EPHA6: variants seen among roughly 807,000 people sequenced by gnomAD.
EPHA6 encodes ephrin type-A receptor 6.
A neutral mutation model predicts 112.0 loss-of-function variants in EPHA6; 50 were observed. The observed-to-expected ratio is 0.45, with a 90% CI of 0.36 to 0.56. The LOEUF (loss-of-function observed/expected upper bound fraction) is 0.56. Ranked by LOEUF, EPHA6 falls within the 20% of genes least tolerant of loss-of-function variation. The pLI is 0.00. For synonymous variants in EPHA6, 529 were observed against 490.7 expected, an observed-to-expected ratio of 1.08 and a Z score of -1.03; for missense variants, 1,280 against 1,417.4, an observed-to-expected ratio of 0.90 and a Z score of 1.56.
chr3:97,544,207 A>C (rs1190002267), intron 11 of EPHA6, among the ~76,000 whole-genome samples: 1 of 152,194 alleles, frequency 6.6e-6, no homozygotes, highest in East Asian at 1.9e-4. Flanking sequence ...TTGCCCATTC[A>C]GTATGATATT....
At chr3:97,034,208 GA>G (rs1439814146) in intron 3 of EPHA6, among the ~76,000 whole-genome samples, 1 of 151,872 alleles carries the variant, frequency 6.6e-6, no homozygotes, top group Non-Finnish European at 1.5e-5. Context: ...TGATAAAAAT[GA>G]AAATATAGTA....
intron 14 of EPHA6, among the ~76,000 whole-genome samples, chr3:97,655,871 C>T (rs530937193): frequency 1.3e-5 from 2 of 151,782 alleles, no homozygotes; most frequent in Admixed American, 6.6e-5. Context: ...CAAACCTGCA[C>T]GTTGTGCACA....
intron 5 of EPHA6, among the ~76,000 whole-genome samples, chr3:97,257,021 C>T (rs1315614636): frequency 2.0e-5 from 3 of 151,826 alleles, no homozygotes; most frequent in Admixed American, 6.6e-5. Context: ...GAAGTCCTTA[C>T]CACACAAAGA....
At chr3:97,445,960 A>G (rs1015811476) in intron 6 of EPHA6, among the ~76,000 whole-genome samples, 17 of 152,200 alleles carry the variant, frequency 1.1e-4, no homozygotes, top group African/African-American at 3.9e-4. Flanking sequence ...TACCCTATCT[A>G]AACATATTCA....
rs887526323 is a variant in EPHA6 at position 97,756,239 on chromosome 3, C to T, written c.*7538C>T. On this transcript the variant is annotated 3_prime_UTR_variant, in exon 18 of 18. Coordinates refer to ENST00000389672, the MANE Select transcript of EPHA6 (RefSeq NM_001080448.3). ...TGTTTTTGTCTTCAGAATAAGTCTG[C>T]TCAAAATTGTAGCCTTTAGAAGCTC... Among the ~76,000 whole-genome samples, 1 of 151,820 alleles carries T rather than the reference C, an allele frequency of 6.6e-6. No individual in the cohort carries two copies. Among genetic ancestry groups the T allele is most frequent in the African/African-American group, 2.4e-5 (1 of 41,396 alleles).
intron 5 of EPHA6, among the ~76,000 whole-genome samples, chr3:97,269,662 G>A (rs1054645995): frequency 6.6e-6 from 1 of 152,160 alleles, no homozygotes; most frequent in Non-Finnish European, 1.5e-5. Flanking sequence ...CACAACTGGA[G>A]TATGTCCTGA....
chr3:96,836,347 C>T (rs151252848), intron 1 of EPHA6, among the ~76,000 whole-genome samples: 30 of 152,194 alleles, frequency 2.0e-4, no homozygotes, highest in African/African-American at 7.2e-4. Context: ...GGTTGGCTAA[C>T]ACTGGTCTTT....
At chr3:97,158,637 A>G (rs1559763556) in intron 3 of EPHA6, among the ~76,000 whole-genome samples, 1 of 152,192 alleles carries the variant, frequency 6.6e-6, no homozygotes, top group Non-Finnish European at 1.5e-5. Context: ...AGAAGGGGGT[A>G]GGGAAAAATA....
At chr3:97,072,304 A>T (rs1291578471) in intron 3 of EPHA6, among the ~76,000 whole-genome samples, 1 of 152,150 alleles carries the variant, frequency 6.6e-6, no homozygotes, top group African/African-American at 2.4e-5. Context: ...AATGAGGTTA[A>T]GATGAGGTTC....
intron 5 of EPHA6, among the ~76,000 whole-genome samples, chr3:97,320,749 A>G (rs1232048191): frequency 6.7e-6 from 1 of 148,990 alleles, no homozygotes; most frequent in African/African-American, 2.5e-5. Context: ...ATTTTCTGGC[A>G]TTAGAAACCT....
At chr3:97,545,314 C>G (rs1383913103) in intron 11 of EPHA6, among the ~76,000 whole-genome samples, 1 of 152,084 alleles carries the variant, frequency 6.6e-6, no homozygotes. Context: ...GCCTTCATTT[C>G]ATTATTTACC....
intron 10 of EPHA6, among the ~76,000 whole-genome samples, chr3:97,530,961 T>C (rs1285347726): frequency 6.6e-6 from 1 of 152,054 alleles, no homozygotes; most frequent in Non-Finnish European, 1.5e-5. Flanking sequence ...CCAAATCTAA[T>C]TCGATATTCT....
At chr3:97,389,040 G>A (rs2086244251) in intron 5 of EPHA6, among the ~76,000 whole-genome samples, 1 of 152,082 alleles carries the variant, frequency 6.6e-6, no homozygotes, top group Non-Finnish European at 1.5e-5. Flanking sequence ...TTTAAGAAAA[G>A]ATTTGGCTTC....
chr3:97,180,184 A>T (rs1413131657), intron 3 of EPHA6, among the ~76,000 whole-genome samples: 1 of 152,070 alleles, frequency 6.6e-6, no homozygotes, highest in Non-Finnish European at 1.5e-5. Context: ...AGTTCAGGCC[A>T]CAAGGAGTAC....
At chr3:97,294,940 A>G (rs2080822315) in intron 5 of EPHA6, among the ~76,000 whole-genome samples, 1 of 151,956 alleles carries the variant, frequency 6.6e-6, no homozygotes, top group Non-Finnish European at 1.5e-5. Context: ...CTTTAGAGAA[A>G]TCTGATGTTA....
At chr3:97,601,129 A>T (rs2107406836) in intron 12 of EPHA6, among the ~76,000 whole-genome samples, 1 of 152,258 alleles carries the variant, frequency 6.6e-6, no homozygotes, top group South Asian at 2.1e-4. Flanking sequence ...CTCCCTAGAT[A>T]TCTTCATGTT....
At chr3:97,179,217 T>C (rs2076917600) in intron 3 of EPHA6, among the ~76,000 whole-genome samples, 1 of 152,090 alleles carries the variant, frequency 6.6e-6, no homozygotes, top group African/African-American at 2.4e-5. Context: ...AATTTCTGCT[T>C]GATTTTTTAA....
At chr3:97,004,382 C>T (rs1194358806) in intron 3 of EPHA6, among the ~76,000 whole-genome samples, 2 of 152,146 alleles carry the variant, frequency 1.3e-5, no homozygotes, top group African/African-American at 2.4e-5. Context: ...ATGTACATTT[C>T]TCTGATAATC....
intron 5 of EPHA6, among the ~76,000 whole-genome samples, chr3:97,316,082 AATT>A (rs1206105520): frequency 3.3e-5 from 5 of 151,850 alleles, no homozygotes; most frequent in Admixed American, 2.0e-4. Context: ...AGAACCCTTA[AATT>A]ATTGTGTCAT....
Sources: allele counts gnomAD v4.1 joint callset (sites outside exome capture counted in the v4.1 genomes callset), GRCh38; gene constraint gnomAD v4.1.1; transcripts MANE v1.5; gene names NCBI Gene and HGNC (gene_info 2026-07-23, HGNC 2026-07-21).